PRKCA: variants seen among roughly 807,000 people sequenced by gnomAD.
PRKCA encodes the protein protein kinase C alpha type.
Under a neutral mutation model 87.0 loss-of-function variants are expected in PRKCA, and 27 were observed. That is an observed-to-expected ratio of 0.31 (90% confidence interval 0.23 to 0.43). PRKCA has a LOEUF of 0.43. PRKCA is among the 20% of genes least tolerant of loss of function. The pLI is 1.00. For synonymous variants in PRKCA, 329 were observed against 311.1 expected (o/e 1.06, Z -0.61); for missense variants, 518 against 852.3 (o/e 0.61, Z 4.88).
chr17:66,731,351 G>GAAAAAAAAAA lies in PRKCA; in HGVS notation c.919-1327_919-1318dup, dbSNP rs5821509. Among the ~76,000 whole-genome samples the GAAAAAAAAAA allele has an allele frequency of 2.4e-4, 27 of 112,450 alleles. 1 individual carries two copies. Among genetic ancestry groups the GAAAAAAAAAA allele is most frequent in the African/African-American group, 8.3e-4 (22 of 26,590 alleles). 73.8% of individuals were successfully genotyped at this position (112,450 alleles called of 152,430 possible). A position where few individuals can be genotyped will look rare whatever the true frequency, so the allele number is the denominator to read the frequency against. ...GCAACAAGAGCAAAACTCCGTCTCA[G>GAAAAAAAAAA]AAAAAAAAAAAAAAAAAAAGAATGT... On this transcript the variant is annotated intron_variant, in intron 8 of 16. Coordinates refer to ENST00000413366, the MANE Select transcript of PRKCA (RefSeq NM_002737.3).
intron 2 of PRKCA, among the ~76,000 whole-genome samples, chr17:66,331,869 C>T (rs1170250018): frequency 6.6e-6 from 1 of 152,160 alleles, no homozygotes; most frequent in African/African-American, 2.4e-5. Flanking sequence ...CTAGCATAAC[C>T]TCTTGGTTGG....
chr17:66,403,106 A>C (rs975895977), intron 2 of PRKCA, among the ~76,000 whole-genome samples: 1 of 152,142 alleles, frequency 6.6e-6, no homozygotes, highest in Non-Finnish European at 1.5e-5. Context: ...AATCTACTCT[A>C]TGTTTGGGTT....
chr17:66,418,674 T>C (rs1341430745), intron 2 of PRKCA, among the ~76,000 whole-genome samples: 1 of 152,094 alleles, frequency 6.6e-6, no homozygotes, highest in African/African-American at 2.4e-5. Flanking sequence ...TGACCTCAAG[T>C]GATCTTCCAG....
intron 2 of PRKCA, among the ~76,000 whole-genome samples, chr17:66,428,304 C>T (rs962399510): frequency 1.3e-5 from 2 of 151,978 alleles, no homozygotes; most frequent in African/African-American, 2.4e-5. Flanking sequence ...ATTCCAGCAC[C>T]GATATCGAGC....
At chr17:66,688,813 A>C (rs1265613134) in intron 7 of PRKCA, 138 bp from the exon 8 acceptor site, 7 of 658,760 alleles carry the variant, frequency 1.1e-5, no homozygotes, top group Non-Finnish European at 1.9e-5. Flanking sequence ...AAATATAAAA[A>C]TGTAAAAAAA....
chr17:66,626,362 A>ATT (rs36045417), intron 3 of PRKCA, among the ~76,000 whole-genome samples: 3,701 of 124,396 alleles, frequency 0.03, 89 homozygotes, highest in East Asian at 0.14. Flanking sequence ...TAGTTTTTGT[A>ATT]TTTTTTTTTT....
chr17:66,587,861 ACATATG>A (rs1567917194), intron 3 of PRKCA, among the ~76,000 whole-genome samples: 2 of 101,612 alleles, frequency 2.0e-5, no homozygotes, highest in Non-Finnish European at 4.0e-5. Context: ...ATACATATAT[ACATATG>A]TATGTGTGTG....
chr17:66,796,961 G>T (rs1369581320), intron 16 of PRKCA: 1 of 985,164 alleles, frequency 1.0e-6, no homozygotes. Flanking sequence ...TATTTGTTCT[G>T]CATCTTTCCT....
intron 5 of PRKCA, among the ~76,000 whole-genome samples, chr17:66,686,423 G>A (rs1479522973): frequency 1.3e-5 from 2 of 152,136 alleles, no homozygotes; most frequent in African/African-American, 2.4e-5. Context: ...AGATGCTGCC[G>A]GTCCATGGAC....
At chr17:66,405,738 T>C (rs1244616013) in intron 2 of PRKCA, among the ~76,000 whole-genome samples, 1 of 152,204 alleles carries the variant, frequency 6.6e-6, no homozygotes, top group African/African-American at 2.4e-5. Context: ...TCCTTTCCAA[T>C]AGGTACAAAT....
At chr17:66,365,760 C>T (rs1422168349) in intron 2 of PRKCA, among the ~76,000 whole-genome samples, 2 of 152,042 alleles carry the variant, frequency 1.3e-5, no homozygotes, top group East Asian at 1.9e-4. Context: ...CCCTGATTAT[C>T]GTATGCTTTC....
intron 2 of PRKCA, among the ~76,000 whole-genome samples, chr17:66,425,541 A>G (rs1186099156): frequency 2.6e-5 from 4 of 152,324 alleles, no homozygotes; most frequent in Middle Eastern, 6.8e-3. Context: ...GTCGGGTGGC[A>G]GTCTCATGAA....
rs1225666158 is a variant in PRKCA at position 66,361,492 on chromosome 17, G to T, written c.205+55365G>T. Among the ~76,000 whole-genome samples the T allele has an allele frequency of 1.1e-4, 16 of 151,962 alleles. 1 individual carries two copies. In the East Asian group the frequency reaches 3.1e-3, roughly 29 times the overall value. On this transcript the variant is annotated intron_variant, in intron 2 of 16. Transcript: ENST00000413366. ...ACGCCTGGCTAATTTTTGTATTTTA[G>T]TAGAGATGAGGTTTCACCATATTGG...
At position 66,603,843 on chromosome 17, in the gene PRKCA, C is replaced by G. The variant is rs546566622; in HGVS notation, c.289-37512C>G. 5.3e-5 allele frequency among the ~76,000 whole-genome samples: 8 copies of G among 152,328 alleles called. No homozygotes were observed. In the South Asian group the frequency reaches 1.7e-3, roughly 32 times the overall value. On this transcript the variant is annotated intron_variant, in intron 3 of 16. Transcript: ENST00000413366. Reference sequence around the variant, plus strand: ...GAATCTGACTGCTCCAGACACCTCACATAAGCAGAATCATTCAGTATTTGT... The same window carrying G: ...GAATCTGACTGCTCCAGACACCTCAGATAAGCAGAATCATTCAGTATTTGT...
rs552452025 is a variant in PRKCA at position 66,710,874 on chromosome 17, C to CAA, written c.919-21804_919-21803dup. On this transcript the variant is annotated intron_variant, in intron 8 of 16. Transcript: ENST00000413366. The stretch of plus-strand genomic sequence containing the variant: ...GTGAAACCCCGTCTCTACCAAAAAA[C>CAA]AAAAAAAAAAATACAAAAATTAGCC... Among the ~76,000 whole-genome samples, 122 of 143,412 alleles carry CAA rather than the reference C, an allele frequency of 8.5e-4. 1 individual carries two copies. The highest frequency in any genetic ancestry group is 1.2e-3 in the Admixed American group (17 of 14,348). 94.1% of individuals were successfully genotyped at this position (143,412 alleles called of 152,430 possible). A position where few individuals can be genotyped will look rare whatever the true frequency, so the allele number is the denominator to read the frequency against.
intron 5 of PRKCA, among the ~76,000 whole-genome samples, chr17:66,685,941 C>A (rs1262612753): frequency 2.0e-5 from 3 of 152,210 alleles, no homozygotes; most frequent in African/African-American, 7.2e-5. Flanking sequence ...AGTTCTGATT[C>A]AGGAGGTGTT....
chr17:66,496,481 A>G (rs1916479419), intron 3 of PRKCA, among the ~76,000 whole-genome samples, 198 bp downstream of exon 3: 1 of 152,182 alleles, frequency 6.6e-6, no homozygotes, highest in South Asian at 2.1e-4. Flanking sequence ...TTCTCAGAGG[A>G]GAATTTCTTG....
At chr17:66,307,158 T>C (rs1904858471) in intron 2 of PRKCA, among the ~76,000 whole-genome samples, 2 of 152,218 alleles carry the variant, frequency 1.3e-5, no homozygotes, top group Non-Finnish European at 2.9e-5. Context: ...GAGTATTTTA[T>C]GGTATGATTA....
chr17:66,413,687 T>A (rs1381486576), intron 2 of PRKCA, among the ~76,000 whole-genome samples: 1 of 152,158 alleles, frequency 6.6e-6, no homozygotes, highest in Non-Finnish European at 1.5e-5. Flanking sequence ...TACAGAGCTC[T>A]TATGAGCTCT....
Sources: gnomAD v4.1 joint callset for allele counts (sites outside exome capture counted in the v4.1 genomes callset) on GRCh38, gnomAD v4.1.1 for gene constraint, MANE v1.5 for transcripts, NCBI Gene and HGNC (gene_info 2026-07-23, HGNC 2026-07-21) for gene names.